GPR89B: variants seen among roughly 807,000 people sequenced by gnomAD.
The protein encoded by GPR89B is golgi pH regulator B.
GPR89B carries 25 observed loss-of-function variants against 52.4 expected under a neutral mutation model. The observed-to-expected ratio is 0.48, with a 90% CI of 0.35 to 0.67. The LOEUF is 0.67. GPR89B is among the 30% of genes least tolerant of loss of function. The pLI is 0.01. For synonymous variants in GPR89B, 52 were observed against 151.2 expected, an observed-to-expected ratio of 0.34 and a Z score of 4.81; for missense variants, 146 against 450.2, an observed-to-expected ratio of 0.32 and a Z score of 6.11.
chr1:147,939,641 A>G (rs1553248563), intron 3 of GPR89B, among the ~76,000 whole-genome samples: 1 of 152,132 alleles, frequency 6.6e-6, no homozygotes, highest in Middle Eastern at 3.2e-3. Flanking sequence ...TGAAAACGAA[A>G]TTTAAATTAA....
At chr1:147,972,834 C>T (rs1657570338) in intron 10 of GPR89B, among the ~76,000 whole-genome samples, 1 of 148,962 alleles carries the variant, frequency 6.7e-6, no homozygotes, top group Non-Finnish European at 1.5e-5. Context: ...TCGACAGGTC[C>T]CAGTTTGTGT....
chr1:148,000,624 T>C, the GPR89B span, among the ~76,000 whole-genome samples: 1 of 150,352 alleles, frequency 6.7e-6, no homozygotes, highest in African/African-American at 2.4e-5. Flanking sequence ...CCCCCCTCTG[T>C]ACCGCTTATT....
intron 5 of GPR89B, among the ~76,000 whole-genome samples, chr1:147,949,859 C>T (rs1553250635): frequency 2.9e-5 from 4 of 138,846 alleles, no homozygotes; most frequent in Non-Finnish European, 3.1e-5. Context: ...TCCTCACTTC[C>T]CAGTAGGGGC....
At chr1:147,956,024 A>G (rs1164018994) in intron 7 of GPR89B, among the ~76,000 whole-genome samples, 6 of 60,218 alleles carry the variant, frequency 1.0e-4, no homozygotes, top group African/African-American at 3.8e-4. Flanking sequence ...TTCTAGTTTT[A>G]TAGTTTCCAG....
At chr1:147,998,832 G>C in the GPR89B span, among the ~76,000 whole-genome samples, 1 of 135,920 alleles carries the variant, frequency 7.4e-6, no homozygotes. Context: ...AGTGAGCTGA[G>C]AACATACCAT....
chr1:148,001,858 C>T, the GPR89B span, among the ~76,000 whole-genome samples: 2 of 151,644 alleles, frequency 1.3e-5, no homozygotes, highest in Admixed American at 6.6e-5. Flanking sequence ...TGTAGCCACG[C>T]GTCTTATGTA....
intron 10 of GPR89B, among the ~76,000 whole-genome samples, chr1:147,972,325 C>T (rs1657531572): frequency 6.6e-6 from 1 of 151,382 alleles, no homozygotes; most frequent in Non-Finnish European, 1.5e-5. Flanking sequence ...TGCTGTCTTT[C>T]TCTTGAGTAG....
At chr1:147,983,353 G>A (rs1196450842) in intron 10 of GPR89B, among the ~76,000 whole-genome samples, 8 of 152,042 alleles carry the variant, frequency 5.3e-5, no homozygotes, top group Non-Finnish European at 1.2e-4. Flanking sequence ...AAGAGCTTCT[G>A]CACAGCAAAA....
chr1:147,960,882 T>G (rs1656485350), intron 7 of GPR89B, among the ~76,000 whole-genome samples: 2 of 152,084 alleles, frequency 1.3e-5, no homozygotes, highest in South Asian at 2.1e-4. Context: ...TTGAGATAGA[T>G]TAATAGAAAT....
chr1:148,020,982 C>T, the GPR89B span, among the ~76,000 whole-genome samples: 1 of 151,588 alleles, frequency 6.6e-6, no homozygotes, highest in East Asian at 1.9e-4. Flanking sequence ...GCCCGGGCCC[C>T]GGAGAGGAAT....
At chr1:147,970,527 C>CTCTCTCTA (rs1215509755) in intron 10 of GPR89B, among the ~76,000 whole-genome samples, 2 of 140,120 alleles carry the variant, frequency 1.4e-5, no homozygotes, top group South Asian at 4.2e-4. Context: ...CTCTCTCTCT[C>CTCTCTCTA]TCTCTCTATC....
chr1:147,998,739 G>T, the GPR89B span, among the ~76,000 whole-genome samples: 1 of 151,492 alleles, frequency 6.6e-6, no homozygotes, highest in Non-Finnish European at 1.5e-5. Context: ...AAATTAGCCA[G>T]GTGTGGTAGC....
chr1:147,996,138 T>C (rs1659313692), downstream of GPR89B, among the ~76,000 whole-genome samples: 2 of 152,114 alleles, frequency 1.3e-5, no homozygotes, highest in Non-Finnish European at 1.5e-5. Flanking sequence ...TGAAGGGGGA[T>C]AAATAGGTCC....
intron 10 of GPR89B, among the ~76,000 whole-genome samples, chr1:147,970,569 C>CTCTCTA (rs1553253167): frequency 7.0e-6 from 1 of 142,558 alleles, no homozygotes; most frequent in Non-Finnish European, 1.5e-5. Flanking sequence ...CTCTCTCTCT[C>CTCTCTA]TATATATATA....
chr1:147,983,862 A>C (rs1161798490), intron 10 of GPR89B, among the ~76,000 whole-genome samples: 1 of 152,112 alleles, frequency 6.6e-6, no homozygotes, highest in African/African-American at 2.4e-5. Flanking sequence ...ATGTTGCTAT[A>C]AAGACACATG....
chr1:147,964,542 G>T, intron 7 of GPR89B, among the ~76,000 whole-genome samples: 1 of 151,202 alleles, frequency 6.6e-6, no homozygotes, highest in South Asian at 2.1e-4. Context: ...ATGGTTGGGT[G>T]GTTTTTTCAT....
chr1:147,978,405 C>T (rs1657995604), intron 10 of GPR89B, among the ~76,000 whole-genome samples: 2 of 151,902 alleles, frequency 1.3e-5, no homozygotes, highest in South Asian at 2.1e-4. Context: ...CCGGCAGGAA[C>T]GTTCCTGTAT....
intron 10 of GPR89B, among the ~76,000 whole-genome samples, chr1:147,982,997 G>A (rs1182151791): frequency 5.5e-4 from 83 of 152,030 alleles, no homozygotes; most frequent in African/African-American, 1.4e-3. Context: ...CATTGGCACC[G>A]AACAGAGCCC....
At chr1:148,013,953 C>T in the GPR89B span, among the ~76,000 whole-genome samples, 1 of 151,662 alleles carries the variant, frequency 6.6e-6, no homozygotes, top group Admixed American at 6.6e-5. Context: ...CCGTGCGGAG[C>T]CAGGCCTCAG....
Sources: allele counts gnomAD v4.1 joint callset (sites outside exome capture counted in the v4.1 genomes callset), GRCh38; gene constraint gnomAD v4.1.1; transcripts MANE v1.5; gene names NCBI Gene and HGNC (gene_info 2026-07-23, HGNC 2026-07-21).